The following AGBL4 variants were observed in gnomAD, a reference collection of about 807,000 sequenced individuals.
The protein encoded by AGBL4 is AGBL carboxypeptidase 4.
Under a neutral mutation model 66.4 loss-of-function variants are expected in AGBL4, and 58 were observed. The observed-to-expected ratio is 0.87, with a 90% CI of 0.71 to 1.09. The LOEUF is 1.09. Ranked by LOEUF, AGBL4 falls within the 50% of genes least tolerant of loss-of-function variation. AGBL4 has a pLI of 0.00. For missense variants in AGBL4, 579 were observed against 631.0 expected (o/e 0.92, Z 0.88); for synonymous variants, 234 against 222.9 (o/e 1.05, Z -0.44).
In AGBL4 at chr1:50,023,776, C is replaced by G; in HGVS notation, c.21G>C (p.Ser7=). ...GCCCCCACAGACCTGCCTCAGGCGCCGACTGGCTCCCCTCCGCCATTTTTG... is the reference window on the plus strand; with the variant it reads ...GCCCCCACAGACCTGCCTCAGGCGCGGACTGGCTCCCCTCCGCCATTTTTG... MAEGSQ[S]APEAGNDMGN... The change falls in exon 1 of 14, where the codon TCG becomes TCC. Residue 7 remains serine, a synonymous_variant. Transcript: ENST00000371839. 1 of 1,549,416 alleles carries G rather than the reference C, an allele frequency of 6.5e-7. No individual in the cohort carries two copies. The highest frequency in any genetic ancestry group is 8.7e-7 in the Non-Finnish European group (1 of 1,146,074).
intron 4 of AGBL4, among the ~76,000 whole-genome samples, chr1:49,067,983 A>T (rs1161320464): frequency 2.7e-5 from 4 of 145,678 alleles, no homozygotes; most frequent in African/African-American, 1.0e-4. Context: ...TTCAATTTCC[A>T]CCGATGAGTG....
chr1:49,852,750 T>G (rs1646336947), intron 1 of AGBL4, among the ~76,000 whole-genome samples: 1 of 152,182 alleles, frequency 6.6e-6, no homozygotes, highest in Non-Finnish European at 1.5e-5. Context: ...TATACCTCTT[T>G]CCAGGTCATT....
intron 4 of AGBL4, among the ~76,000 whole-genome samples, chr1:49,124,283 T>C (rs1005804011): frequency 6.6e-6 from 1 of 151,802 alleles, no homozygotes; most frequent in Non-Finnish European, 1.5e-5. Flanking sequence ...CAATGAAGAG[T>C]CCTCTATAAT....
chr1:48,845,642 C>G (rs2148801452), intron 6 of AGBL4, among the ~76,000 whole-genome samples: 1 of 152,306 alleles, frequency 6.6e-6, no homozygotes, highest in South Asian at 2.1e-4. Context: ...AGCATTGTAC[C>G]CTTTATTCCT....
intron 1 of AGBL4, among the ~76,000 whole-genome samples, chr1:50,004,223 C>T (rs769451100): frequency 6.6e-6 from 1 of 152,154 alleles, no homozygotes; most frequent in Non-Finnish European, 1.5e-5. Context: ...TCAACCAGTG[C>T]CCCCAGAAGG....
At chr1:49,361,334 A>G (rs1261113005) in intron 3 of AGBL4, among the ~76,000 whole-genome samples, 1 of 151,948 alleles carries the variant, frequency 6.6e-6, no homozygotes, top group Non-Finnish European at 1.5e-5. Context: ...CAGACACAGA[A>G]TTAAGAAGTA....
chr1:49,011,328 G>C (rs1662387974), intron 5 of AGBL4, among the ~76,000 whole-genome samples: 1 of 151,800 alleles, frequency 6.6e-6, no homozygotes, highest in East Asian at 1.9e-4. Flanking sequence ...AAACCACAAT[G>C]AGATACCATC....
At chr1:49,107,673 A>ATG (rs141552810) in intron 4 of AGBL4, among the ~76,000 whole-genome samples, 2,336 of 129,602 alleles carry the variant, frequency 0.018, 24 homozygotes, top group East Asian at 0.058. Flanking sequence ...GAATATGTGT[A>ATG]TGTGTGTGTG....
chr1:49,484,259 A>G (rs1647016978), intron 3 of AGBL4, among the ~76,000 whole-genome samples: 2 of 152,042 alleles, frequency 1.3e-5, no homozygotes, highest in Admixed American at 6.5e-5. Flanking sequence ...ATATATTCAA[A>G]AGTTGGGAAA....
chr1:48,557,500 A>G (rs984867598), intron 11 of AGBL4, among the ~76,000 whole-genome samples: 7 of 152,208 alleles, frequency 4.6e-5, no homozygotes, highest in African/African-American at 1.7e-4. Context: ...TGGAAAAGTG[A>G]TGTGATGAAG....
chr1:49,514,295 G>A (rs1649559949), intron 3 of AGBL4, among the ~76,000 whole-genome samples: 1 of 151,824 alleles, frequency 6.6e-6, no homozygotes, highest in Admixed American at 6.6e-5. Flanking sequence ...CCTATCTTGT[G>A]CCAGTTTTCA....
chr1:49,043,642 T>G (rs1395530177), intron 5 of AGBL4, among the ~76,000 whole-genome samples: 5 of 152,188 alleles, frequency 3.3e-5, no homozygotes, highest in African/African-American at 1.2e-4. Flanking sequence ...GCATGCTGAC[T>G]CATATACCAT....
intron 5 of AGBL4, among the ~76,000 whole-genome samples, chr1:48,926,903 G>A (rs1654624608): frequency 3.3e-5 from 5 of 152,156 alleles, no homozygotes; most frequent in Admixed American, 3.3e-4. Flanking sequence ...AGTAGGAAGT[G>A]GTAGTTGTTG....
intron 1 of AGBL4, among the ~76,000 whole-genome samples, chr1:49,877,037 A>T (rs1643178033): frequency 6.6e-6 from 1 of 151,868 alleles, no homozygotes; most frequent in African/African-American, 2.4e-5. Flanking sequence ...GAAGTTGATT[A>T]TCAGCTTAAG....
chr1:49,494,721 G>A (rs1379921722), intron 3 of AGBL4, among the ~76,000 whole-genome samples: 3 of 151,982 alleles, frequency 2.0e-5, no homozygotes, highest in African/African-American at 2.4e-5. Context: ...TGTGAATAAT[G>A]CCGCCATAAA....
chr1:49,789,418 T>C (rs1455504965), intron 2 of AGBL4, among the ~76,000 whole-genome samples: 1 of 152,206 alleles, frequency 6.6e-6, no homozygotes. Flanking sequence ...ATGACATGAT[T>C]GTATGTTTAG....
chr1:48,537,716 A>G lies in AGBL4; in HGVS notation c.1364+1926T>C, dbSNP rs1378432254. Among the ~76,000 whole-genome samples, 6 of 152,402 alleles carry G rather than the reference A, an allele frequency of 3.9e-5. No homozygotes were observed. In the East Asian group the frequency reaches 1.2e-3, roughly 29 times the overall value. The stretch of plus-strand genomic sequence containing the variant: ...GCAAGAAAAAAATGATTAAGGATCA[A>G]GATAATTTTATTTAGGCAGAGGACC... On this transcript the variant is annotated intron_variant, in intron 12 of 13. Transcript: ENST00000371839.
At chr1:49,897,164 T>A (rs572117996) in intron 1 of AGBL4, among the ~76,000 whole-genome samples, 2 of 152,018 alleles carry the variant, frequency 1.3e-5, no homozygotes, top group Non-Finnish European at 2.9e-5. Context: ...AAGGAATAAA[T>A]CAAATTGTTC....
rs367974564 is a variant in AGBL4 at position 49,862,045 on chromosome 1, T to G, written c.35-10527A>C. Among the ~76,000 whole-genome samples, 50 of 151,768 alleles carry G rather than the reference T, an allele frequency of 3.3e-4. 1 individual carries two copies. The South Asian group carries it at 9.6e-3, about 29-fold the overall frequency. Reference sequence around the variant, plus strand: ...AACATGGTCTCACCAAACAAACAAATAAAACACAAGAGACCAATCCTGGAA... The same window carrying G: ...AACATGGTCTCACCAAACAAACAAAGAAAACACAAGAGACCAATCCTGGAA... On this transcript the variant is annotated intron_variant, in intron 1 of 13. Transcript: ENST00000371839.
Sources: allele counts gnomAD v4.1 joint callset (sites outside exome capture counted in the v4.1 genomes callset), GRCh38; gene constraint gnomAD v4.1.1; transcripts MANE v1.5; gene names NCBI Gene and HGNC (gene_info 2026-07-23, HGNC 2026-07-21).